Variants in MEIS2 observed in about 807,000 individuals in gnomAD.
MEIS2 encodes Meis homeobox 2.
In MEIS2, 9 loss-of-function variants were observed where a neutral mutation model predicts 58.6. The observed-to-expected ratio is 0.15, with a 90% CI of 0.09 to 0.27. MEIS2 has a LOEUF of 0.27. MEIS2 is among the 10% of genes least tolerant of loss of function. MEIS2 has a pLI of 1.00. For synonymous variants in MEIS2, 221 were observed against 228.4 expected (o/e 0.97, Z 0.29); for missense variants, 427 against 635.0 (o/e 0.67, Z 3.52).
At chr15:36,995,389 C>T (rs2060440545) in intron 8 of MEIS2, among the ~76,000 whole-genome samples, 2 of 151,988 alleles carry the variant, frequency 1.3e-5, no homozygotes, top group Admixed American at 1.3e-4. Context: ...AAATGAAAAC[C>T]ACCTAACTTT....
At chr15:36,918,378 T>G (rs2057365636) in intron 9 of MEIS2, among the ~76,000 whole-genome samples, 1 of 151,662 alleles carries the variant, frequency 6.6e-6, no homozygotes, top group African/African-American at 2.4e-5. Context: ...GAATAAATTA[T>G]ATAGTCTACT....
At chr15:37,068,330 T>A (rs193078881) in intron 7 of MEIS2, among the ~76,000 whole-genome samples, 1 of 152,326 alleles carries the variant, frequency 6.6e-6, no homozygotes, top group African/African-American at 2.4e-5. Context: ...CTTCTACCTA[T>A]GACTACTCAA....
chr15:37,087,928 A>G (rs529348229), intron 6 of MEIS2, among the ~76,000 whole-genome samples: 26 of 152,292 alleles, frequency 1.7e-4, no homozygotes, highest in African/African-American at 5.5e-4. Flanking sequence ...GGAGAAGTAA[A>G]ATGTATGAGG....
intron 8 of MEIS2, among the ~76,000 whole-genome samples, chr15:36,997,651 T>C (rs2060572127): frequency 6.6e-6 from 1 of 151,872 alleles, no homozygotes; most frequent in Non-Finnish European, 1.5e-5. Context: ...GGCTAATTTT[T>C]TTTGTATTTT....
At chr15:37,079,748 G>A (rs1221081274) in intron 7 of MEIS2, among the ~76,000 whole-genome samples, 1 of 152,128 alleles carries the variant, frequency 6.6e-6, no homozygotes, top group Non-Finnish European at 1.5e-5. Context: ...CTGGAAAATA[G>A]ATGGGGACAT....
Position 37,099,534 on chromosome 15 carries a change from A to G in MEIS2, c.-68T>C. On this transcript the variant is annotated 5_prime_UTR_variant, in exon 1 of 12. Coordinates refer to ENST00000561208, the MANE Select transcript of MEIS2 (RefSeq NM_170675.5). ...ATATCCCAGTCCGGATAAGAAAGTG[A>G]TCTAGGCTGAAGATTCCTTTTTTTT... 6.3e-7 allele frequency: 1 copy of G among 1,591,948 alleles called. No individual in the cohort carries two copies. The highest frequency in any genetic ancestry group is 8.6e-7 in the Non-Finnish European group (1 of 1,169,314).
intron 1 of MEIS2, chr15:37,098,614 T>G: frequency 4.9e-6 from 1 of 205,066 alleles, no homozygotes; most frequent in African/African-American, 2.4e-5. Flanking sequence ...GGCCGGGGAT[T>G]TGAGGGGGCG....
chr15:36,923,996 C>A (rs148439957), intron 9 of MEIS2, among the ~76,000 whole-genome samples: 3 of 152,316 alleles, frequency 2.0e-5, no homozygotes, highest in Non-Finnish European at 2.9e-5. Context: ...TTCAAAGGAA[C>A]AAATGCTACA....
At chr15:36,990,902 T>G (rs768156890) in intron 8 of MEIS2, among the ~76,000 whole-genome samples, 7 of 152,056 alleles carry the variant, frequency 4.6e-5, no homozygotes, top group Non-Finnish European at 1.0e-4. Flanking sequence ...GAAATGTAAA[T>G]CCAAAATGTG....
At chr15:36,914,538 C>T (rs571844041) in intron 9 of MEIS2, among the ~76,000 whole-genome samples, 102 of 152,262 alleles carry the variant, frequency 6.7e-4, no homozygotes, top group Admixed American at 7.2e-4. Flanking sequence ...CTCCCTCTGG[C>T]AGTAAAAACT....
intron 8 of MEIS2, among the ~76,000 whole-genome samples, chr15:37,010,603 T>C (rs1210797763): frequency 6.6e-6 from 1 of 152,156 alleles, no homozygotes; most frequent in Non-Finnish European, 1.5e-5. Context: ...GCCCTCGAAC[T>C]CCTGGGCTCA....
chr15:37,031,726 G>C (rs777246212), intron 8 of MEIS2, among the ~76,000 whole-genome samples: 2 of 151,880 alleles, frequency 1.3e-5, no homozygotes, highest in Non-Finnish European at 2.9e-5. Context: ...GAGATATGAA[G>C]AGGGGACAAA....
intron 8 of MEIS2, among the ~76,000 whole-genome samples, chr15:37,012,942 T>C: frequency 6.6e-6 from 1 of 152,298 alleles, no homozygotes; most frequent in African/African-American, 2.4e-5. Flanking sequence ...TATTTCAATC[T>C]CAGTGACCCT....
chr15:37,041,103 G>T (rs772572072), intron 7 of MEIS2, among the ~76,000 whole-genome samples: 3 of 152,220 alleles, frequency 2.0e-5, no homozygotes, highest in African/African-American at 7.2e-5. Flanking sequence ...GAAAGCCATG[G>T]TGTTCTAAAT....
chr15:37,096,999 G>A (rs1480035992), intron 2 of MEIS2, among the ~76,000 whole-genome samples: 1 of 152,202 alleles, frequency 6.6e-6, no homozygotes, highest in Non-Finnish European at 1.5e-5. Context: ...GTTTGCTCCT[G>A]TTCTACTAAA....
chr15:36,988,319 A>T (rs1313960665), intron 8 of MEIS2, among the ~76,000 whole-genome samples: 1 of 152,112 alleles, frequency 6.6e-6, no homozygotes, highest in Non-Finnish European at 1.5e-5. Context: ...TTCTTTTTTG[A>T]GGGGAGGAAA....
chr15:36,972,469 C>G (rs544722659), intron 8 of MEIS2, among the ~76,000 whole-genome samples: 1 of 152,266 alleles, frequency 6.6e-6, no homozygotes, highest in African/African-American at 2.4e-5. Context: ...ACCCAATGAT[C>G]TGGTCTCGAA....
At position 36,892,189 on chromosome 15, in the gene MEIS2, T is replaced by C; in HGVS notation, c.1418A>G (p.Asp473Gly). The change falls in exon 12 of 12, where the codon GAC becomes GGC. Residue 473 changes from aspartate to glycine, a missense_variant. Asp to Gly is a moderately conservative substitution (Grantham distance 94). Coordinates refer to ENST00000561208, the MANE Select transcript of MEIS2 (RefSeq NM_170675.5). ...VDPNVGGQVM[D>G]IHAQ ...TCCCTTATACTATTGGGCATGAATG[T>C]CCATAACCTGTCCGCCAACATTGGG... is the stretch of plus-strand genomic sequence containing the variant. 2 of 1,614,184 alleles carry C rather than the reference T, an allele frequency of 1.2e-6. No homozygotes were observed. The highest frequency in any genetic ancestry group is 1.7e-6 in the Non-Finnish European group (2 of 1,180,002).
chr15:37,094,609 G>A (rs780547723), intron 4 of MEIS2, 32 bp from the exon 5 acceptor site: 2 of 1,597,566 alleles, frequency 1.3e-6, no homozygotes, highest in East Asian at 2.2e-5. Flanking sequence ...TGGAGTTAGA[G>A]CTCTGTGACT....
Sources: allele counts gnomAD v4.1 joint callset (sites outside exome capture counted in the v4.1 genomes callset), GRCh38; gene constraint gnomAD v4.1.1; transcripts MANE v1.5; gene names NCBI Gene and HGNC (gene_info 2026-07-23, HGNC 2026-07-21).